MAN2C1: variants seen among roughly 807,000 people sequenced by gnomAD.
The protein encoded by MAN2C1 is mannosidase alpha class 2C member 1.
A neutral mutation model predicts 126.9 loss-of-function variants in MAN2C1; 111 were observed. The observed-to-expected ratio is 0.87, with a 90% CI of 0.75 to 1.02. MAN2C1 has a LOEUF of 1.02. Ranked by LOEUF, MAN2C1 falls within the 50% of genes least tolerant of loss-of-function variation. The pLI, the probability that MAN2C1 is intolerant of heterozygous loss-of-function variation, is 0.00. For missense variants in MAN2C1, 1,363 were observed against 1,364.4 expected (o/e 1.00, Z 0.02); for synonymous variants, 567 against 561.5 (o/e 1.01, Z -0.14).
Position 75,361,839 on chromosome 15 carries a change from G to T in MAN2C1, c.1101+16C>A. On this transcript the variant is annotated intron_variant, in intron 9 of 25. Coordinates refer to ENST00000267978, the MANE Select transcript of MAN2C1 (RefSeq NM_006715.4). This position sits in a 1 kb window ranked among gnomAD's most constrained non-coding sequence, Gnocchi z 5.0. ...CCCCACTCGCCCACAGCCTGGTGTA[G>T]CAGCTCTCAGCCTACCTCAGAGCAC... is the stretch of plus-strand genomic sequence containing the variant. 2 of 1,611,906 alleles carry T rather than the reference G, an allele frequency of 1.2e-6. No homozygotes were observed. The highest frequency in any genetic ancestry group is 1.7e-6 in the Non-Finnish European group (2 of 1,178,012).
intron 3 of MAN2C1, 96 bp downstream of exon 3, chr15:75,367,415 C>T (rs1333098882): frequency 2.7e-6 from 4 of 1,498,200 alleles, no homozygotes; most frequent in Admixed American, 2.0e-5. Context: ...GGCAGAGCAA[C>T]TCAGCTGTGG....
intron 21 of MAN2C1, chr15:75,357,978 C>T (rs2072371521): frequency 1.9e-6 from 1 of 524,008 alleles, no homozygotes. Context: ...TGGTCTTGAA[C>T]TCCTGACCTC....
chr15:75,359,445 A>T lies in MAN2C1; in HGVS notation c.1949-20T>A, dbSNP rs773785016. On this transcript the variant is annotated intron_variant, in intron 16 of 25. Coordinates refer to ENST00000267978, the MANE Select transcript of MAN2C1 (RefSeq NM_006715.4). ...CCAGGGCTGGGGGTGAGGCCTGGGC[A>T]TCAGTGCAGCCTTCCTGACCTTTCA... 17 of 1,603,060 alleles carry T rather than the reference A, an allele frequency of 1.1e-5. No individual in the cohort carries two copies. The highest frequency in any genetic ancestry group is 1.4e-5 in the Non-Finnish European group (16 of 1,173,092).
At chr15:75,367,407 C>T in intron 3 of MAN2C1, 104 bp downstream of exon 3, 1 of 1,451,162 alleles carries the variant, frequency 6.9e-7, no homozygotes, top group Admixed American at 2.1e-5. Flanking sequence ...ACCCTGTGGG[C>T]AGAGCAACTC....
chr15:75,368,097 T>A lies in MAN2C1; in HGVS notation c.203A>T (p.Gln68Leu). The A allele has an allele frequency of 1.9e-6, 3 of 1,607,820 alleles. No homozygotes were observed. The highest frequency in any genetic ancestry group is 8.5e-7 in the Non-Finnish European group (1 of 1,178,024). Reference protein sequence around the residue: ...EAVQRDFRPAQVGDSFGPTWW... With the variant: ...EAVQRDFRPALVGDSFGPTWW... Reference sequence around the variant, plus strand: ...CGTGGGTCCGAAGCTGTCGCCGACCTGCGCGGGGCGGAAGTCCCGCTGGAC... The same window carrying A: ...CGTGGGTCCGAAGCTGTCGCCGACCAGCGCGGGGCGGAAGTCCCGCTGGAC... Residue 68 changes from glutamine to leucine, a missense_variant, in exon 2 of 26, where the codon CAG (glutamine) becomes CTG (leucine). Physicochemically the swap from Gln to Leu is moderately radical, Grantham distance 113. Coordinates refer to ENST00000267978, the MANE Select transcript of MAN2C1 (RefSeq NM_006715.4).
At chr15:75,368,320 G>C (rs760736200) in intron 1 of MAN2C1, 122 bp from the exon 2 acceptor site, 17 of 1,469,368 alleles carry the variant, frequency 1.2e-5, no homozygotes, top group Non-Finnish European at 1.5e-5. Flanking sequence ...TGGCCGCTCC[G>C]CGGCACAGTC....
chr15:75,358,439 G>A (rs2072386299), intron 20 of MAN2C1, 23 bp downstream of exon 20: 1 of 1,613,164 alleles, frequency 6.2e-7, no homozygotes, highest in African/African-American at 1.3e-5. Context: ...GGGGAAAACA[G>A]CCACCCCCTA....
chr15:75,360,842 C>CCT (rs2072452056), intron 12 of MAN2C1, 154 bp from the exon 13 acceptor site: 1 of 1,187,866 alleles, frequency 8.4e-7, no homozygotes, highest in Non-Finnish European at 1.2e-6. Context: ...CCTAGGAGAG[C>CCT]CTCTCTCTCT....
Position 75,361,775 on chromosome 15 carries a change from C to A in MAN2C1, c.1102-55G>T. ...GAACCAGAGCTCCAGGCGGACTCAC[C>A]CCAGCCTCAGCCCCTCAGCACTCCA... On this transcript the variant is annotated intron_variant, in intron 9 of 25. Coordinates refer to ENST00000267978, the MANE Select transcript of MAN2C1 (RefSeq NM_006715.4). The surrounding 1 kb of genome is among the most constrained non-coding windows in gnomAD (Gnocchi z 5.0). 6.3e-7 allele frequency: 1 copy of A among 1,591,638 alleles called. No homozygotes were observed. The highest frequency in any genetic ancestry group is 8.6e-7 in the Non-Finnish European group (1 of 1,159,746).
chr15:75,360,054 C>A, intron 14 of MAN2C1, 36 bp downstream of exon 14: 1 of 1,613,950 alleles, frequency 6.2e-7, no homozygotes, highest in Non-Finnish European at 8.5e-7. Context: ...CTGCAGTGAG[C>A]AGTCAGGTGG....
rs1344457577 is a variant in MAN2C1, at chr15:75,361,070, A to G, written c.1436T>C (p.Leu479Pro). 3 of 1,611,124 alleles carry G rather than the reference A, an allele frequency of 1.9e-6. No individual in the cohort carries two copies. The highest frequency in any genetic ancestry group is 2.5e-6 in the Non-Finnish European group (3 of 1,178,978). ...TQTMLDRLKR[L>P]SNTDGLPRVQ... Reference sequence around the variant, plus strand: ...CCTGGGCAGCCCATCCGTATTGCTCAGGCGCTTCAGGCGGTCCAGCATGGT... The same window carrying G: ...CCTGGGCAGCCCATCCGTATTGCTCGGGCGCTTCAGGCGGTCCAGCATGGT... Residue 479 changes from leucine (L) to proline (P), a missense_variant, in exon 12 of 26, where the codon CTG becomes CCG. Around this residue, in one of 3 missense-constraint regions of MAN2C1, gnomAD observed 67 missense variants for 104.5 expected, o/e 0.64. Transcript: ENST00000267978. The surrounding 1 kb of genome is among the most constrained non-coding windows in gnomAD (Gnocchi z 5.0).
intron 4 of MAN2C1, chr15:75,365,774 G>A (rs756034120): frequency 2.5e-5 from 5 of 196,886 alleles, no homozygotes; most frequent in South Asian, 1.2e-4. Flanking sequence ...AAACTATGCC[G>A]GAAAGATACA....
At chr15:75,365,556 C>G (rs746492649) in intron 4 of MAN2C1, 2 of 172,496 alleles carry the variant, frequency 1.2e-5, no homozygotes, top group Non-Finnish European at 2.5e-5. Context: ...CAAACCCCGT[C>G]TCTACTAAAA....
In MAN2C1 at chr15:75,364,453, A is replaced by G. The variant is rs1294478629; in HGVS notation, c.600+35T>C. On this transcript the variant is annotated intron_variant, in intron 5 of 25. Coordinates refer to ENST00000267978, the MANE Select transcript of MAN2C1 (RefSeq NM_006715.4). Reference sequence around the variant, plus strand: ...AACAACCTTCTTGGAGCAGGGCTCTAGAGGGTAGCAGGGGGTACAGGGGGT... The same window carrying G: ...AACAACCTTCTTGGAGCAGGGCTCTGGAGGGTAGCAGGGGGTACAGGGGGT... The G allele has an allele frequency of 2.0e-6, 3 of 1,532,150 alleles. No individual in the cohort carries two copies. In the Admixed American group the frequency reaches 6.2e-5, roughly 32 times the overall value. The allele number at this position is 1,532,150 out of a possible 1,614,324, so 94.9% of individuals were successfully genotyped here.
Position 75,367,189 on chromosome 15 carries a change from ACTAAAC to A in MAN2C1, c.351+316_351+321del, listed in dbSNP as rs2072592502. ...AGACCTACTAGATAGGAGTATAAGG[ACTAAAC>A]CTGATAAGGGTGGAGCATGAATAAG... On this transcript the variant is annotated intron_variant, in intron 3 of 25. Coordinates refer to ENST00000267978, the MANE Select transcript of MAN2C1 (RefSeq NM_006715.4). Among the ~76,000 whole-genome samples, 3 of 152,178 alleles carry A rather than the reference ACTAAAC, an allele frequency of 2.0e-5. No homozygotes were observed. In the South Asian group the frequency reaches 6.2e-4, roughly 32 times the overall value.
rs756573909 is a variant in MAN2C1, at chr15:75,362,328, G to A, written c.1008+15C>T. The A allele has an allele frequency of 1.9e-6, 3 of 1,607,072 alleles. No homozygotes were observed. Among genetic ancestry groups the A allele is most frequent in the Admixed American group, 3.3e-5 (2 of 59,986 alleles). On this transcript the variant is annotated intron_variant, in intron 8 of 25. Coordinates refer to ENST00000267978, the MANE Select transcript of MAN2C1 (RefSeq NM_006715.4). This position sits in a 1 kb window ranked among gnomAD's most constrained non-coding sequence, Gnocchi z 4.5. ...GTCATACAGTTCAAGGCTGAGGAGT[G>A]CCCAGTGCACTTACCATCTCCACCC...
At chr15:75,360,823 C>T in intron 12 of MAN2C1, 135 bp from the exon 13 acceptor site, 2 of 1,271,768 alleles carry the variant, frequency 1.6e-6, no homozygotes, top group Non-Finnish European at 2.2e-6. Flanking sequence ...GATGGCCAGC[C>T]CTGGACGCCC....
chr15:75,361,580 C>T lies in MAN2C1; in HGVS notation c.1218+24G>A. 1 of 1,588,206 alleles carries T rather than the reference C, an allele frequency of 6.3e-7. No homozygotes were observed. Among genetic ancestry groups the T allele is most frequent in the Non-Finnish European group, 8.6e-7 (1 of 1,156,746 alleles). Reference sequence around the variant, plus strand: ...GGCGGGACTGAGGCCCACTCTGACCCTGACCCCCCGGGGGCCTGCTTACTG... The same window carrying T: ...GGCGGGACTGAGGCCCACTCTGACCTTGACCCCCCGGGGGCCTGCTTACTG... On this transcript the variant is annotated intron_variant, in intron 10 of 25. Coordinates refer to ENST00000267978, the MANE Select transcript of MAN2C1 (RefSeq NM_006715.4). This position sits in a 1 kb window ranked among gnomAD's most constrained non-coding sequence, Gnocchi z 5.0.
At chr15:75,358,172 A>AAGCCAGGGAGGCTTAGGC (rs754747420) in intron 21 of MAN2C1, 29 bp downstream of exon 21, 4 of 1,613,314 alleles carry the variant, frequency 2.5e-6, no homozygotes, top group Non-Finnish European at 3.4e-6. Flanking sequence ...GGAGGAGTCC[A>AAGCCAGGGAGGCTTAGGC]AGGCCACTCC....
Sources: gnomAD v4.1 joint callset for allele counts (sites outside exome capture counted in the v4.1 genomes callset) on GRCh38, gnomAD v4.1.1 for gene constraint, gnomAD v4.1.1 regional missense constraint, Gnocchi (gnomAD v3.1) non-coding constraint, MANE v1.5 for transcripts, NCBI Gene and HGNC (gene_info 2026-07-23, HGNC 2026-07-21) for gene names.